Variants in CFAP221 observed in about 807,000 individuals in gnomAD.
The protein encoded by CFAP221 is cilia- and flagella-associated protein 221.
In CFAP221, 97 loss-of-function variants were observed where a neutral mutation model predicts 113.1. The ratio of observed to expected loss-of-function variants is 0.86; its 90% CI spans 0.73 to 1.02. CFAP221 has a LOEUF of 1.02. Ranked by LOEUF, CFAP221 falls within the 50% of genes least tolerant of loss-of-function variation. CFAP221 has a pLI of 0.00. For synonymous variants in CFAP221, 331 were observed against 354.4 expected, an observed-to-expected ratio of 0.93 and a Z score of 0.74; for missense variants, 1,025 against 1,013.4, an observed-to-expected ratio of 1.01 and a Z score of -0.16.
At chr2:119,612,151 T>C (rs1338291794) in intron 13 of CFAP221, among the ~76,000 whole-genome samples, 1 of 152,202 alleles carries the variant, frequency 6.6e-6, no homozygotes, top group African/African-American at 2.4e-5. Flanking sequence ...TATGACAGAT[T>C]TGGGACCTTG....
In CFAP221 at chr2:119,561,319, C is replaced by A. The variant is rs1468206715; in HGVS notation, c.427-695C>A. Among the ~76,000 whole-genome samples, 3 of 152,000 alleles carry A rather than the reference C, an allele frequency of 2.0e-5. No homozygotes were observed. In the East Asian group the frequency reaches 5.8e-4, roughly 29 times the overall value. On this transcript the variant is annotated intron_variant, in intron 5 of 23. Transcript: ENST00000413369. Reference sequence around the variant, plus strand: ...AAAAATAAAAAAATAAAAACAAAACCAGAATATTGCTTTCAGATGGAATAT... The same window carrying A: ...AAAAATAAAAAAATAAAAACAAAACAAGAATATTGCTTTCAGATGGAATAT...
At chr2:119,641,388 C>A (rs1454854396) in intron 21 of CFAP221, among the ~76,000 whole-genome samples, 2 of 152,204 alleles carry the variant, frequency 1.3e-5, no homozygotes, top group African/African-American at 4.8e-5. Flanking sequence ...TGAAAACCAG[C>A]ATCCTTGTTC....
At chr2:119,645,105 T>G (rs775455631) in intron 21 of CFAP221, among the ~76,000 whole-genome samples, 175 of 148,838 alleles carry the variant, frequency 1.2e-3, no homozygotes, top group Non-Finnish European at 2.4e-3. Flanking sequence ...TTCCTTTAGC[T>G]CTCTCTCTCT....
chr2:119,577,272 A>G (rs1412774362), intron 6 of CFAP221, among the ~76,000 whole-genome samples: 7 of 152,226 alleles, frequency 4.6e-5, no homozygotes, highest in Admixed American at 1.3e-4. Flanking sequence ...ATCTAAACCA[A>G]ATCACCTTCC....
intron 6 of CFAP221, among the ~76,000 whole-genome samples, chr2:119,585,714 A>C (rs1683174744): frequency 6.6e-6 from 1 of 152,228 alleles, no homozygotes; most frequent in South Asian, 2.1e-4. Context: ...GTTATGTCAT[A>C]TCCCCAAAAT....
chr2:119,545,568 T>A (rs1286533801), intron 1 of CFAP221, among the ~76,000 whole-genome samples: 1 of 152,174 alleles, frequency 6.6e-6, no homozygotes, highest in Non-Finnish European at 1.5e-5. Flanking sequence ...CACCCCCTCC[T>A]CATCACCCTG....
chr2:119,562,252 G>GAAAAAAAA, intron 6 of CFAP221, 138 bp downstream of exon 6: 1 of 171,380 alleles, frequency 5.8e-6, no homozygotes, highest in Non-Finnish European at 8.6e-6. Context: ...ATTGTAAAAG[G>GAAAAAAAA]CAAAAAAAAA....
At chr2:119,563,750 T>C (rs997358009) in intron 6 of CFAP221, among the ~76,000 whole-genome samples, 2 of 152,192 alleles carry the variant, frequency 1.3e-5, no homozygotes, top group African/African-American at 4.8e-5. Context: ...TCTGGAGGCC[T>C]CAGAGTCTAA....
At chr2:119,617,415 G>A (rs778303291) in intron 14 of CFAP221, among the ~76,000 whole-genome samples, 2 of 152,210 alleles carry the variant, frequency 1.3e-5, no homozygotes, top group Non-Finnish European at 2.9e-5. Flanking sequence ...GCACAAAGCT[G>A]TGCTCCCAGG....
chr2:119,577,501 T>G (rs553669516), intron 6 of CFAP221, among the ~76,000 whole-genome samples: 5 of 152,274 alleles, frequency 3.3e-5, no homozygotes, highest in South Asian at 4.2e-4. Context: ...TGCCAGGAGC[T>G]TTTCTGTAAT....
In CFAP221 at chr2:119,638,346, T is replaced by A; in HGVS notation, c.2062T>A (p.Tyr688Asn). The A allele has an allele frequency of 6.2e-7, 1 of 1,614,138 alleles. No individual in the cohort carries two copies. The highest frequency in any genetic ancestry group is 8.5e-7 in the Non-Finnish European group (1 of 1,179,992). ...TTACCATCTATGCTCTCACCCCAAG[T>A]ACAAATTCACCAAAGAGTCCCGCCA... ...IDYHLCSHPK[Y>N]KFTKESRHGS... The change falls in exon 20 of 24, where the codon TAC becomes AAC. Residue 688 changes from tyrosine (Y) to asparagine (N), a missense_variant. Physicochemically the swap from Tyr to Asn is moderately radical, Grantham distance 143. Coordinates refer to ENST00000413369, the MANE Select transcript of CFAP221 (RefSeq NM_001271049.2).
At position 119,627,354 on chromosome 2, in the gene CFAP221, A is replaced by G. The variant is rs139402031; in HGVS notation, c.1517-299A>G. On this transcript the variant is annotated intron_variant, in intron 15 of 23. Coordinates refer to ENST00000413369, the MANE Select transcript of CFAP221 (RefSeq NM_001271049.2). Reference sequence around the variant, plus strand: ...ATTATAAAATTTACTTGTGAATTCCATGGGTCTGTGTAGAAAATGTCTTCA... The same window carrying G: ...ATTATAAAATTTACTTGTGAATTCCGTGGGTCTGTGTAGAAAATGTCTTCA... 2.0e-5 allele frequency among the ~76,000 whole-genome samples: 3 copies of G among 152,188 alleles called. No individual in the cohort carries two copies. The East Asian group carries it at 5.8e-4, about 29-fold the overall frequency.
chr2:119,579,128 T>A (rs1294815301), intron 6 of CFAP221, among the ~76,000 whole-genome samples: 1 of 152,124 alleles, frequency 6.6e-6, no homozygotes. Flanking sequence ...AGCCTTAGCA[T>A]AATTGATAAA....
chr2:119,600,548 A>G (rs1471590980), intron 7 of CFAP221, among the ~76,000 whole-genome samples: 2 of 152,226 alleles, frequency 1.3e-5, no homozygotes, highest in African/African-American at 4.8e-5. Context: ...AAGGATTAAT[A>G]TAGTAATTAA....
intron 6 of CFAP221, among the ~76,000 whole-genome samples, chr2:119,568,453 A>G (rs980023651): frequency 6.6e-6 from 1 of 152,114 alleles, no homozygotes; most frequent in Non-Finnish European, 1.5e-5. Flanking sequence ...TAAGCCCAGC[A>G]TGCATTAGCT....
intron 8 of CFAP221, among the ~76,000 whole-genome samples, chr2:119,602,926 G>A (rs1684466523): frequency 6.6e-6 from 1 of 152,164 alleles, no homozygotes; most frequent in African/African-American, 2.4e-5. Context: ...AAATGCAGGT[G>A]TACGCTATTT....
chr2:119,613,295 G>C (rs982962003), intron 13 of CFAP221, among the ~76,000 whole-genome samples: 3 of 152,202 alleles, frequency 2.0e-5, no homozygotes, highest in African/African-American at 7.2e-5. Flanking sequence ...CTGGAGGATG[G>C]TGGCCCTCTT....
intron 7 of CFAP221, chr2:119,589,956 G>A (rs573121935): frequency 3.9e-5 from 6 of 152,008 alleles, no homozygotes; most frequent in East Asian, 3.9e-4. Context: ...TTTTTTTTCC[G>A]TGAAATCTGA....
At chr2:119,605,781 C>T (rs1425973706) in intron 11 of CFAP221, among the ~76,000 whole-genome samples, 31 of 151,832 alleles carry the variant, frequency 2.0e-4, no homozygotes, top group Admixed American at 2.0e-3. Context: ...TTTTTTTTAC[C>T]AGATCAGACC....
Sources: allele counts gnomAD v4.1 joint callset (sites outside exome capture counted in the v4.1 genomes callset), GRCh38; gene constraint gnomAD v4.1.1; transcripts MANE v1.5; gene names NCBI Gene and HGNC (gene_info 2026-07-23, HGNC 2026-07-21).